The following NRG1 variants were observed in gnomAD, a reference collection of about 807,000 sequenced individuals.
NRG1 encodes the protein pro-neuregulin-1, membrane-bound isoform.
Under a neutral mutation model 63.8 loss-of-function variants are expected in NRG1, and 18 were observed. That is an observed-to-expected ratio of 0.28 (90% confidence interval 0.19 to 0.42). The LOEUF is 0.42. NRG1 is among the 10% of genes least tolerant of loss of function. The pLI is 1.00. For missense variants in NRG1, 762 were observed against 814.7 expected, an observed-to-expected ratio of 0.94 and a Z score of 0.79; for synonymous variants, 302 against 301.3, an observed-to-expected ratio of 1.00 and a Z score of -0.02.
intron 1 of NRG1, among the ~76,000 whole-genome samples, chr8:31,927,064 C>A (rs994443891): frequency 1.3e-5 from 2 of 152,128 alleles, no homozygotes; most frequent in Non-Finnish European, 2.9e-5. Context: ...ATGTGCCAGA[C>A]ACTGTGCTAA....
At chr8:32,529,383 T>G (rs974145968) in intron 1 of NRG1, among the ~76,000 whole-genome samples, 1 of 152,208 alleles carries the variant, frequency 6.6e-6, no homozygotes, top group Non-Finnish European at 1.5e-5. Flanking sequence ...TATACGGCTA[T>G]AGACTTTATA....
At chr8:31,673,169 A>G (rs1047713584) in intron 1 of NRG1, among the ~76,000 whole-genome samples, 7 of 152,112 alleles carry the variant, frequency 4.6e-5, no homozygotes, top group Non-Finnish European at 8.8e-5. Context: ...AAACTTGCAG[A>G]TACTCAGACA....
chr8:31,974,538 C>T (rs1807838304), intron 1 of NRG1, among the ~76,000 whole-genome samples: 1 of 152,094 alleles, frequency 6.6e-6, no homozygotes, highest in South Asian at 2.1e-4. Context: ...TCCGAAGTAC[C>T]CTGACTGTCA....
intron 1 of NRG1, among the ~76,000 whole-genome samples, chr8:32,195,014 A>C (rs958047744): frequency 6.6e-6 from 1 of 152,194 alleles, no homozygotes; most frequent in Non-Finnish European, 1.5e-5. Flanking sequence ...AAGTTATTTA[A>C]TACTGTTTGA....
Position 31,675,973 on chromosome 8 carries a change from G to C in NRG1, c.37+36542G>C, listed in dbSNP as rs577220381. 2.6e-4 allele frequency among the ~76,000 whole-genome samples: 39 copies of C among 152,212 alleles called. No homozygotes were observed. In the South Asian group the frequency reaches 6.6e-3, roughly 26 times the overall value. On this transcript the variant is annotated intron_variant, in intron 1 of 10. Transcript: ENST00000519301. ...CTGCAATTTTAAGAAAATCATATATGTCGTGTTATATTAGACCCGTGGCTA... is the reference window on the plus strand; with the variant it reads ...CTGCAATTTTAAGAAAATCATATATCTCGTGTTATATTAGACCCGTGGCTA...
intron 1 of NRG1, among the ~76,000 whole-genome samples, chr8:31,916,710 G>A (rs1009261180): frequency 2.0e-5 from 3 of 152,112 alleles, no homozygotes; most frequent in Non-Finnish European, 4.4e-5. Flanking sequence ...AATCCTTTGG[G>A]TATATACCCA....
In NRG1 at chr8:32,692,891, G is replaced by A. The variant is rs916055074; in HGVS notation, c.503-35058G>A. ...CCAAGTATGGAATTTCTCTGTCAGG[G>A]GTCCTGCCACCTGACATGTGCAGGT... On this transcript the variant is annotated intron_variant, in intron 5 of 11. Transcript: ENST00000356819. Among the ~76,000 whole-genome samples, 3 of 152,102 alleles carry A rather than the reference G, an allele frequency of 2.0e-5. 1 individual carries two copies. Among genetic ancestry groups the A allele is most frequent in the Admixed American group, 2.0e-4 (3 of 15,268 alleles).
intron 1 of NRG1, among the ~76,000 whole-genome samples, chr8:32,594,707 G>T (rs1843062995): frequency 6.6e-6 from 1 of 152,176 alleles, no homozygotes; most frequent in East Asian, 1.9e-4. Flanking sequence ...AGAATGGTAT[G>T]TAGGTGTTTA....
chr8:32,157,399 C>T (rs560043668), intron 1 of NRG1, among the ~76,000 whole-genome samples: 2 of 146,388 alleles, frequency 1.4e-5, no homozygotes, highest in South Asian at 4.4e-4. Flanking sequence ...TGGCGGCTCA[C>T]GCCTGTAATC....
At chr8:31,661,921 C>T (rs1377794826) in intron 1 of NRG1, among the ~76,000 whole-genome samples, 1 of 152,204 alleles carries the variant, frequency 6.6e-6, no homozygotes, top group Non-Finnish European at 1.5e-5. Context: ...TGCATATTCC[C>T]ATTTTACAAT....
At chr8:32,559,841 C>CA (rs575336896) in intron 1 of NRG1, among the ~76,000 whole-genome samples, 1,379 of 127,386 alleles carry the variant, frequency 0.011, 15 homozygotes, top group African/African-American at 0.016. Context: ...CAAAAAAATA[C>CA]AAAAAAAAAA....
chr8:32,166,006 T>C (rs1839358555), intron 1 of NRG1, among the ~76,000 whole-genome samples: 1 of 152,174 alleles, frequency 6.6e-6, no homozygotes, highest in South Asian at 2.1e-4. Flanking sequence ...AATTTCATCC[T>C]CACCCTGCTT....
chr8:32,412,656 C>T (rs117109817), intron 1 of NRG1, among the ~76,000 whole-genome samples: 2 of 151,702 alleles, frequency 1.3e-5, no homozygotes, highest in East Asian at 3.9e-4. Context: ...ACCTGATGCA[C>T]ACTGAGGCTT....
intron 1 of NRG1, among the ~76,000 whole-genome samples, chr8:31,808,593 T>C (rs1822529872): frequency 6.6e-6 from 1 of 152,088 alleles, no homozygotes; most frequent in African/African-American, 2.4e-5. Flanking sequence ...TTTAAACTAA[T>C]GAATTACAAA....
intron 1 of NRG1, among the ~76,000 whole-genome samples, chr8:32,239,269 A>G (rs373304356): frequency 0.043 from 4,092 of 95,884 alleles, 119 homozygotes; most frequent in African/African-American, 0.13. Flanking sequence ...TGGAGGAAAG[A>G]TGAGCTTTAA....
intron 1 of NRG1, among the ~76,000 whole-genome samples, chr8:32,107,001 G>C (rs1831356426): frequency 1.3e-5 from 2 of 152,108 alleles, no homozygotes; most frequent in South Asian, 4.1e-4. Context: ...GGCAGATCAT[G>C]AGGTCAGGAG....
chr8:32,412,441 T>TATAC lies in NRG1; in HGVS notation c.38-183384_38-183383insCATA, dbSNP rs1554532850. On this transcript the variant is annotated intron_variant, in intron 1 of 10. Coordinates refer to the NRG1 transcript ENST00000519301. The stretch of plus-strand genomic sequence containing the variant: ...CTCTCTACATATATATATATATATA[T>TATAC]ATATATATATACATATATATATATA... Among the ~76,000 whole-genome samples the TATAC allele has an allele frequency of 1.6e-4, 8 of 49,652 alleles. No homozygotes were observed. In the South Asian group the frequency reaches 3.6e-3, roughly 23 times the overall value. The allele number at this position is 49,652 out of a possible 152,430, so 32.6% of individuals were successfully genotyped here. A position where few individuals can be genotyped will look rare whatever the true frequency, so the allele number is the denominator to read the frequency against.
intron 1 of NRG1, among the ~76,000 whole-genome samples, chr8:31,742,455 A>ATGTTTTTTTTTTTT (rs1385507257): frequency 1.2e-5 from 1 of 80,026 alleles, no homozygotes; most frequent in African/African-American, 4.9e-5. Context: ...TTTTTTAAGA[A>ATGTTTTTTTTTTTT]TTTTTTTTTT....
At chr8:31,650,673 C>T (rs1804748480) in intron 1 of NRG1, among the ~76,000 whole-genome samples, 1 of 152,192 alleles carries the variant, frequency 6.6e-6, no homozygotes, top group African/African-American at 2.4e-5. Context: ...GGTACTGTTA[C>T]AAATTTTCCT....
Sources: allele counts gnomAD v4.1 joint callset (sites outside exome capture counted in the v4.1 genomes callset), GRCh38; gene constraint gnomAD v4.1.1; transcripts MANE v1.5; gene names NCBI Gene and HGNC (gene_info 2026-07-23, HGNC 2026-07-21).